Variants in HIVEP3 observed in about 807,000 individuals in gnomAD.
HIVEP3 encodes the protein HIVEP zinc finger 3, also known as transcription factor HIVEP3.
A neutral mutation model predicts 152.8 loss-of-function variants in HIVEP3; 49 were observed. The observed-to-expected ratio is 0.32, with a 90% CI of 0.26 to 0.41. HIVEP3 has a LOEUF of 0.41. Ranked by LOEUF, HIVEP3 falls within the 10% of genes least tolerant of loss-of-function variation. HIVEP3 has a pLI of 1.00. For missense variants in HIVEP3, 2,790 were observed against 3,103.3 expected (o/e 0.90, Z 2.40); for synonymous variants, 1,269 against 1,289.0 (o/e 0.98, Z 0.33).
intron 4 of HIVEP3, among the ~76,000 whole-genome samples, chr1:41,576,777 G>A (rs1000251979): frequency 2.0e-5 from 3 of 152,172 alleles, no homozygotes; most frequent in African/African-American, 4.8e-5. Flanking sequence ...CTGGGCTGCC[G>A]TTTGGTGGAT....
At chr1:42,013,045 G>A (rs575893448) in intron 1 of HIVEP3, among the ~76,000 whole-genome samples, 1 of 152,302 alleles carries the variant, frequency 6.6e-6, no homozygotes, top group Admixed American at 6.5e-5. Flanking sequence ...ATTGTCTACA[G>A]TTCTGGAGGC....
intron 1 of HIVEP3, among the ~76,000 whole-genome samples, chr1:41,917,784 T>A (rs1056961281): frequency 1.6e-4 from 25 of 151,866 alleles, no homozygotes; most frequent in African/African-American, 5.6e-4. Context: ...TTTGGTTGGG[T>A]CAGGTTGGGG....
At chr1:41,745,532 C>G (rs1647058363) in intron 1 of HIVEP3, among the ~76,000 whole-genome samples, 1 of 152,252 alleles carries the variant, frequency 6.6e-6, no homozygotes, top group South Asian at 2.1e-4. Flanking sequence ...ACACTCTGCT[C>G]TGACCCTGGA....
At chr1:41,588,638 C>A (rs1400952350) in intron 3 of HIVEP3, among the ~76,000 whole-genome samples, 2 of 152,048 alleles carry the variant, frequency 1.3e-5, no homozygotes, top group African/African-American at 2.4e-5. Context: ...GTGGGCTGGA[C>A]ATGGTGTTTC....
intron 5 of HIVEP3, among the ~76,000 whole-genome samples, chr1:41,558,293 C>A (rs1216911380): frequency 6.6e-6 from 1 of 152,232 alleles, no homozygotes; most frequent in Admixed American, 6.5e-5. Flanking sequence ...CCTCCTCACT[C>A]CTGGACCTTC....
rs577354336 is a variant in HIVEP3, at chr1:41,756,677, G to A, written c.-800-55682C>T. ...GAAATGATGATGTAGTTCTACATTC[G>A]TTGATATGGAAAGACTTTCTCAATA... is the stretch of plus-strand genomic sequence containing the variant. On this transcript the variant is annotated intron_variant, in intron 1 of 8. Coordinates refer to ENST00000372583, the MANE Select transcript of HIVEP3 (RefSeq NM_024503.5). Among the ~76,000 whole-genome samples, 4 of 152,246 alleles carry A rather than the reference G, an allele frequency of 2.6e-5. No homozygotes were observed. In the South Asian group the frequency reaches 8.3e-4, roughly 32 times the overall value.
At chr1:41,576,917 G>A (rs373598971) in intron 4 of HIVEP3, among the ~76,000 whole-genome samples, 6 of 152,324 alleles carry the variant, frequency 3.9e-5, no homozygotes, top group Admixed American at 2.6e-4. Flanking sequence ...AGTGGAAACC[G>A]AGCAAGAATC....
At chr1:41,676,165 C>T (rs953673928) in intron 2 of HIVEP3, among the ~76,000 whole-genome samples, 13 of 152,138 alleles carry the variant, frequency 8.5e-5, no homozygotes, top group South Asian at 2.1e-4. Context: ...GATTCTCCTG[C>T]CTTAACCTCC....
intron 5 of HIVEP3, among the ~76,000 whole-genome samples, chr1:41,545,511 GCTACCATCACCACCA>G (rs1643752711): frequency 3.5e-5 from 2 of 57,590 alleles, no homozygotes; most frequent in Admixed American, 1.6e-4. Context: ...TACCACCATC[GCTACCATCACCACCA>G]CTACCATCAC....
chr1:41,674,131 C>T (rs1191376079), intron 2 of HIVEP3, among the ~76,000 whole-genome samples: 1 of 152,234 alleles, frequency 6.6e-6, no homozygotes, highest in Non-Finnish European at 1.5e-5. Flanking sequence ...AATTGAATGT[C>T]ACCCAGACAT....
chr1:41,609,771 C>A (rs1029564364), intron 3 of HIVEP3, among the ~76,000 whole-genome samples: 1 of 152,242 alleles, frequency 6.6e-6, no homozygotes, highest in African/African-American at 2.4e-5. Context: ...CCCTTTCCCT[C>A]CTAGACATGT....
chr1:41,996,729 A>G (rs1408380497), intron 1 of HIVEP3, among the ~76,000 whole-genome samples: 1 of 152,218 alleles, frequency 6.6e-6, no homozygotes, highest in Admixed American at 6.5e-5. Context: ...CCTTAAAACA[A>G]TACAAATTTA....
intron 1 of HIVEP3, among the ~76,000 whole-genome samples, chr1:41,841,309 G>A: frequency 6.6e-6 from 1 of 152,216 alleles, no homozygotes; most frequent in East Asian, 1.9e-4. Flanking sequence ...CCACCTCCAT[G>A]ACCCCAAACA....
intron 1 of HIVEP3, among the ~76,000 whole-genome samples, chr1:41,965,100 G>A (rs926150798): frequency 6.6e-6 from 1 of 152,216 alleles, no homozygotes; most frequent in African/African-American, 2.4e-5. Flanking sequence ...GCCTCCACTG[G>A]TGACACCTCT....
At chr1:41,855,816 A>G (rs1643750035) in intron 1 of HIVEP3, among the ~76,000 whole-genome samples, 4 of 152,224 alleles carry the variant, frequency 2.6e-5, no homozygotes. Flanking sequence ...TTTAGGTGAC[A>G]TGGGTGGTAA....
At chr1:41,573,398 C>G (rs1644280234) in intron 5 of HIVEP3, among the ~76,000 whole-genome samples, 1 of 152,128 alleles carries the variant, frequency 6.6e-6, no homozygotes, top group Admixed American at 6.5e-5. Flanking sequence ...CCAAGAGAAC[C>G]ATGAATGTAG....
intron 1 of HIVEP3, among the ~76,000 whole-genome samples, chr1:41,732,260 C>A (rs959547670): frequency 6.6e-6 from 1 of 152,118 alleles, no homozygotes; most frequent in African/African-American, 2.4e-5. Flanking sequence ...CTGCTGTATC[C>A]CTAGCCTCCC....
At position 41,510,871 on chromosome 1, in the gene HIVEP3, T is replaced by C; in HGVS notation, c.6801A>G (p.Ser2267=). 1.2e-6 allele frequency: 2 copies of C among 1,613,366 alleles called. No homozygotes were observed. The highest frequency in any genetic ancestry group is 1.7e-6 in the Non-Finnish European group (2 of 1,179,874). ...TGGGGTAGTCCCCGCCCTCCAGCTC[T>C]GAGGAGAGTGTGAATTTGGAGACCT... ...VAKVSKFTLS[S]ELEGGDYPKE... The change falls in exon 9 of 9, where the codon TCA becomes TCG. Residue 2267 remains serine (S), a synonymous_variant. Transcript: ENST00000372583.
intron 1 of HIVEP3, among the ~76,000 whole-genome samples, chr1:41,851,592 T>C (rs1643602975): frequency 6.6e-6 from 1 of 152,114 alleles, no homozygotes; most frequent in Admixed American, 6.5e-5. Context: ...TGAACCATCA[T>C]GTCCAGATGA....
Sources: allele counts gnomAD v4.1 joint callset (sites outside exome capture counted in the v4.1 genomes callset), GRCh38; gene constraint gnomAD v4.1.1; transcripts MANE v1.5; gene names NCBI Gene and HGNC (gene_info 2026-07-23, HGNC 2026-07-21).